CLNK: variants seen among roughly 807,000 people sequenced by gnomAD.
CLNK encodes the protein cytokine-dependent hematopoietic cell linker.
Under a neutral mutation model 68.6 loss-of-function variants are expected in CLNK, and 74 were observed. That is an observed-to-expected ratio of 1.08 (90% confidence interval 0.89 to 1.31). The LOEUF is 1.31. Ranked by LOEUF, CLNK falls within the 50% of genes most tolerant of loss-of-function variation. The pLI is 0.00. For synonymous variants in CLNK, 198 were observed against 172.2 expected (o/e 1.15, Z -1.17); for missense variants, 553 against 515.3 (o/e 1.07, Z -0.71).
chr4:10,582,149 A>G (rs934535504), intron 4 of CLNK, among the ~76,000 whole-genome samples: 5 of 152,250 alleles, frequency 3.3e-5, no homozygotes, highest in Admixed American at 1.3e-4. Flanking sequence ...TCAACTATCA[A>G]TTTTTTTATT....
At chr4:10,674,649 G>A (rs61794270) in intron 1 of CLNK, among the ~76,000 whole-genome samples, 20,061 of 152,108 alleles carry the variant, frequency 0.13, 1,531 homozygotes, top group South Asian at 0.17. Flanking sequence ...TCAAAGAGAG[G>A]TGCACAGGGT....
At chr4:10,597,507 C>G (rs1394360149) in intron 3 of CLNK, among the ~76,000 whole-genome samples, 1 of 152,168 alleles carries the variant, frequency 6.6e-6, no homozygotes, top group Admixed American at 6.5e-5. Context: ...GTAGTCTATG[C>G]AAGTTTTGAT....
the CLNK span, among the ~76,000 whole-genome samples, chr4:10,720,648 T>C: frequency 0.038 from 2,852 of 74,928 alleles, 284 homozygotes; most frequent in East Asian, 0.16. Context: ...ACAAGAGAGA[T>C]GAAAATAAAG....
intron 18 of CLNK, among the ~76,000 whole-genome samples, chr4:10,493,660 G>A (rs756638494): frequency 2.0e-5 from 3 of 151,988 alleles, no homozygotes; most frequent in Non-Finnish European, 2.9e-5. Flanking sequence ...CCCATATTAC[G>A]TATACAATAA....
the CLNK span, among the ~76,000 whole-genome samples, chr4:10,723,068 C>T: frequency 6.6e-6 from 1 of 151,834 alleles, no homozygotes; most frequent in African/African-American, 2.4e-5. Flanking sequence ...CCCCTCTAGA[C>T]ATTTCCTATT....
chr4:10,543,057 G>T (rs1218786656), intron 8 of CLNK, among the ~76,000 whole-genome samples: 2 of 152,144 alleles, frequency 1.3e-5, no homozygotes, highest in African/African-American at 4.8e-5. Flanking sequence ...CCTAGCTGGG[G>T]TGTTCACAGG....
chr4:10,688,984 T>A (rs1341374482), upstream of CLNK, among the ~76,000 whole-genome samples: 1 of 152,056 alleles, frequency 6.6e-6, no homozygotes, highest in Non-Finnish European at 1.5e-5. Flanking sequence ...AATAAACATT[T>A]TGTGCAGAAA....
At chr4:10,502,795 C>T (rs1478952141) in intron 17 of CLNK, among the ~76,000 whole-genome samples, 1 of 151,728 alleles carries the variant, frequency 6.6e-6, no homozygotes, top group African/African-American at 2.4e-5. Flanking sequence ...GAGGTGAGGG[C>T]CAGTATAGGG....
the CLNK span, among the ~76,000 whole-genome samples, chr4:10,713,032 T>C: frequency 0.77 from 116,813 of 152,106 alleles, 45,115 homozygotes; most frequent in Admixed American, 0.83. Flanking sequence ...CTCTGAGATC[T>C]TGGGGAGGCA....
intron 5 of CLNK, among the ~76,000 whole-genome samples, chr4:10,567,097 T>G (rs1273775084): frequency 5.3e-5 from 1 of 18,890 alleles, no homozygotes; most frequent in African/African-American, 2.6e-4. Context: ...CTTAAGAAAA[T>G]AAGAAGAACC....
rs369236380 is a variant in CLNK, at chr4:10,566,088, G to A, written c.213C>T (p.Asp71=). Residue 71 remains aspartate (D), a synonymous_variant, in exon 6 of 19, where the codon GAC becomes GAT. Transcript: ENST00000226951. The part of the protein sequence containing the change: ...AKGHSDDDYD[D]PELRMEETWQ... ...ATGTCTCTTCCATCCGAAGCTCAGG[G>A]TCATCATAGTCATCATCACTGTGGC... 1.2e-6 allele frequency: 2 copies of A among 1,613,882 alleles called. No individual in the cohort carries two copies. Among genetic ancestry groups the A allele is most frequent in the East Asian group, 2.2e-5 (1 of 44,882 alleles).
At chr4:10,666,660 G>A (rs1245905718) in intron 2 of CLNK, among the ~76,000 whole-genome samples, 2 of 152,254 alleles carry the variant, frequency 1.3e-5, no homozygotes, top group Non-Finnish European at 2.9e-5. Context: ...CCTGCTGTAA[G>A]GATCGGGGAG....
intron 15 of CLNK, among the ~76,000 whole-genome samples, chr4:10,518,094 C>G (rs1717913583): frequency 6.6e-6 from 1 of 151,194 alleles, no homozygotes; most frequent in Non-Finnish European, 1.5e-5. Context: ...AATGGAGGGT[C>G]AAGGAAATGA....
At position 10,616,790 on chromosome 4, in the gene CLNK, G is replaced by GTATATA. The variant is rs58333228; in HGVS notation, c.12-18747_12-18742dup. On this transcript the variant is annotated intron_variant, in intron 2 of 18. Transcript: ENST00000226951. ...TGTGTGTGTATATATGTGTGTGTGT[G>GTATATA]TATATATATATATATATATATATAT... Among the ~76,000 whole-genome samples, 87 of 64,354 alleles carry GTATATA rather than the reference G, an allele frequency of 1.4e-3. 1 individual carries two copies. Among genetic ancestry groups the GTATATA allele is most frequent in the East Asian group, 9.9e-3 (19 of 1,916 alleles). The allele number at this position is 64,354 out of a possible 152,430, so 42.2% of individuals were successfully genotyped here.
chr4:10,508,840 G>A (rs1011571574), intron 16 of CLNK, among the ~76,000 whole-genome samples: 1 of 145,402 alleles, frequency 6.9e-6, no homozygotes, highest in Non-Finnish European at 1.5e-5. Flanking sequence ...GGGTGTGGTG[G>A]CTCAATGCCT....
At chr4:10,633,290 T>C (rs890524888) in intron 2 of CLNK, among the ~76,000 whole-genome samples, 3 of 152,244 alleles carry the variant, frequency 2.0e-5, no homozygotes, top group Admixed American at 2.0e-4. Flanking sequence ...AAGCTAAAAG[T>C]TTTTAAGTTT....
intron 1 of CLNK, among the ~76,000 whole-genome samples, chr4:10,679,803 A>C (rs1262417545): frequency 6.6e-6 from 1 of 152,210 alleles, no homozygotes; most frequent in Non-Finnish European, 1.5e-5. Flanking sequence ...AATGCAAATC[A>C]AAACCACAAT....
intron 5 of CLNK, among the ~76,000 whole-genome samples, chr4:10,566,543 A>G (rs1279689039): frequency 6.6e-6 from 1 of 152,234 alleles, no homozygotes; most frequent in Non-Finnish European, 1.5e-5. Flanking sequence ...GTATTTGAAG[A>G]ATTCACTAAA....
intron 3 of CLNK, among the ~76,000 whole-genome samples, chr4:10,587,656 C>T (rs1165295290): frequency 1.3e-5 from 2 of 152,154 alleles, no homozygotes; most frequent in Non-Finnish European, 2.9e-5. Flanking sequence ...TTCTGTTCAC[C>T]ATTTTAAACC....
Sources: gnomAD v4.1 joint callset for allele counts (sites outside exome capture counted in the v4.1 genomes callset) on GRCh38, gnomAD v4.1.1 for gene constraint, MANE v1.5 for transcripts, NCBI Gene and HGNC (gene_info 2026-07-23, HGNC 2026-07-21) for gene names.